SYT16: variants seen among roughly 807,000 people sequenced by gnomAD.
The protein encoded by SYT16 is synaptotagmin 16, also known as synaptotagmin-16.
Under a neutral mutation model 61.4 loss-of-function variants are expected in SYT16, and 42 were observed. The observed-to-expected ratio is 0.68, with a 90% CI of 0.53 to 0.89. SYT16 has a LOEUF of 0.89. SYT16 is among the 40% of genes least tolerant of loss of function. SYT16 has a pLI of 0.00. For missense variants in SYT16, 804 were observed against 807.3 expected, an observed-to-expected ratio of 1.00 and a Z score of 0.05; for synonymous variants, 314 against 302.3, an observed-to-expected ratio of 1.04 and a Z score of -0.40.
chr14:61,965,406 G>A (rs984489741), intron 1 of SYT16, among the ~76,000 whole-genome samples: 7 of 152,056 alleles, frequency 4.6e-5, no homozygotes, highest in Non-Finnish European at 8.8e-5. Flanking sequence ...AATAGATTCC[G>A]GAAGAAACAT....
rs1309226986 is a variant in SYT16 at position 61,922,434 on chromosome 14, GA to G, written c.-324-47694del. Among the ~76,000 whole-genome samples, 14 of 152,164 alleles carry G rather than the reference GA, an allele frequency of 9.2e-5. 1 individual carries two copies. The highest frequency in any genetic ancestry group is 1.3e-4 in the Non-Finnish European group (9 of 68,026). ...TCCTTAGCAAATTAACTCAGGAACA[GA>G]AAACCAAATACTGCATCTTCTCACT... On this transcript the variant is annotated intron_variant, in intron 1 of 7. Transcript: ENST00000683842.
At chr14:62,038,813 A>T (rs1202933868) in intron 3 of SYT16, among the ~76,000 whole-genome samples, 1 of 152,232 alleles carries the variant, frequency 6.6e-6, no homozygotes, top group Non-Finnish European at 1.5e-5. Flanking sequence ...CATCTGTTGA[A>T]TAATGATTTA....
At chr14:61,920,556 T>G (rs1359639922) in intron 1 of SYT16, among the ~76,000 whole-genome samples, 1 of 152,304 alleles carries the variant, frequency 6.6e-6, no homozygotes, top group South Asian at 2.1e-4. Context: ...TTCCCAAATT[T>G]ATATCTCTAG....
intron 1 of SYT16, among the ~76,000 whole-genome samples, chr14:61,962,116 G>A (rs1296381540): frequency 6.6e-6 from 1 of 152,112 alleles, no homozygotes; most frequent in African/African-American, 2.4e-5. Flanking sequence ...GGGCCTACTT[G>A]AGGATGGAGA....
intron 3 of SYT16, among the ~76,000 whole-genome samples, chr14:62,003,388 T>A (rs2053099270): frequency 6.6e-6 from 1 of 151,910 alleles, no homozygotes; most frequent in African/African-American, 2.4e-5. Context: ...TCTGTGCTAG[T>A]CCACTGGGCC....
chr14:62,071,428 G>C (rs1276535954), intron 4 of SYT16, among the ~76,000 whole-genome samples: 1 of 152,062 alleles, frequency 6.6e-6, no homozygotes, highest in African/African-American at 2.4e-5. Context: ...ATTATCTCTT[G>C]TCCTAACTGG....
chr14:62,005,146 C>T (rs1009237503), intron 3 of SYT16, among the ~76,000 whole-genome samples: 1 of 152,130 alleles, frequency 6.6e-6, no homozygotes, highest in East Asian at 1.9e-4. Context: ...TCTAGGTTCC[C>T]TATGTGGCCT....
At chr14:61,835,446 G>C (rs1236562785) in intron 1 of SYT16, among the ~76,000 whole-genome samples, 1 of 151,722 alleles carries the variant, frequency 6.6e-6, no homozygotes, top group Non-Finnish European at 1.5e-5. Flanking sequence ...TCTTAGTAGA[G>C]ATGGGGTTTC....
chr14:61,899,516 T>G (rs1164699212), intron 1 of SYT16, among the ~76,000 whole-genome samples: 4 of 152,242 alleles, frequency 2.6e-5, no homozygotes, highest in South Asian at 4.1e-4. Flanking sequence ...CAGTATGGGC[T>G]GGCTGAGTGA....
chr14:61,832,160 C>G (rs2045958601), intron 1 of SYT16: 1 of 694,804 alleles, frequency 1.4e-6, no homozygotes, highest in Non-Finnish European at 2.7e-6. Flanking sequence ...AGCGGTTGCT[C>G]CAGGAGGCCT....
intron 5 of SYT16, among the ~76,000 whole-genome samples, chr14:62,076,886 A>C (rs1474981791): frequency 6.6e-6 from 1 of 152,146 alleles, no homozygotes; most frequent in African/African-American, 2.4e-5. Flanking sequence ...TGCCTGCTGG[A>C]GCTTTAATAG....
intron 3 of SYT16, among the ~76,000 whole-genome samples, chr14:62,000,426 A>G (rs898693949): frequency 7.9e-5 from 12 of 151,838 alleles, no homozygotes; most frequent in Admixed American, 6.6e-5. Context: ...ATTCTTTTCC[A>G]TTCTTTAAAC....
chr14:61,967,877 G>A (rs2051380549), intron 1 of SYT16, among the ~76,000 whole-genome samples: 1 of 152,162 alleles, frequency 6.6e-6, no homozygotes. Context: ...TCTGGCTATT[G>A]TGTGGAGAAT....
intron 1 of SYT16, among the ~76,000 whole-genome samples, chr14:61,942,155 A>G (rs1054930271): frequency 3.9e-5 from 6 of 152,348 alleles, no homozygotes; most frequent in South Asian, 4.1e-4. Flanking sequence ...TTTTACATCA[A>G]GTTGTTGGAG....
chr14:62,078,848 A>G (rs1425237362), intron 5 of SYT16, among the ~76,000 whole-genome samples: 2 of 152,226 alleles, frequency 1.3e-5, no homozygotes, highest in Non-Finnish European at 2.9e-5. Flanking sequence ...GGTAGAAGGT[A>G]AGACTTTATT....
intron 3 of SYT16, among the ~76,000 whole-genome samples, chr14:62,056,157 TGTGACAGGAACATCACGAC>T (rs2055545585): frequency 1.3e-5 from 2 of 152,100 alleles, no homozygotes; most frequent in African/African-American, 4.8e-5. Flanking sequence ...GTAAAATAGA[TGTGACAGGAACATCACGAC>T]GTTTGATTAT....
intron 5 of SYT16, 80 bp from the exon 6 acceptor site, chr14:62,080,754 G>T (rs2056678295): frequency 7.1e-7 from 1 of 1,403,646 alleles, no homozygotes; most frequent in Admixed American, 2.0e-5. Context: ...TTCTGAAGGA[G>T]CACAAAGGGG....
chr14:62,084,901 T>G lies in SYT16; in HGVS notation c.1624+516T>G, dbSNP rs578072384. ...TGTTTTGGAGTTTAAATGAAATGAT[T>G]TATTTAAAGCATTTAGTACCATGCC... On this transcript the variant is annotated intron_variant, in intron 7 of 7. Transcript: ENST00000683842. Among the ~76,000 whole-genome samples the G allele has an allele frequency of 1.0e-3, 154 of 152,366 alleles. 1 individual carries two copies. Among genetic ancestry groups the G allele is most frequent in the African/African-American group, 3.6e-3 (150 of 41,586 alleles).
chr14:62,094,791 A>G (rs2057211698), intron 7 of SYT16, among the ~76,000 whole-genome samples: 1 of 152,032 alleles, frequency 6.6e-6, no homozygotes, highest in African/African-American at 2.4e-5. Context: ...TCAGGAGTAT[A>G]AGGCATTACA....
Sources: gnomAD v4.1 joint callset for allele counts (sites outside exome capture counted in the v4.1 genomes callset) on GRCh38, gnomAD v4.1.1 for gene constraint, MANE v1.5 for transcripts, NCBI Gene and HGNC (gene_info 2026-07-23, HGNC 2026-07-21) for gene names.